Variants in EFHD2 observed in about 807,000 individuals in gnomAD.
EFHD2 encodes EF-hand domain-containing protein D2.
In EFHD2, 12 loss-of-function variants were observed where a neutral mutation model predicts 20.3. That is an observed-to-expected ratio of 0.59 (90% confidence interval 0.38 to 0.96). EFHD2 has a LOEUF of 0.96. EFHD2 is among the 40% of genes least tolerant of loss of function. The pLI is 0.00. For synonymous variants in EFHD2, 131 were observed against 143.9 expected (o/e 0.91, Z 0.64); for missense variants, 250 against 334.3 (o/e 0.75, Z 1.97).
In EFHD2 at chr1:15,426,672, C is replaced by T. The variant is rs992785930; in HGVS notation, c.457-478C>T. On this transcript the variant is annotated intron_variant, in intron 2 of 3. Transcript: ENST00000375980. This position sits in a 1 kb window ranked among gnomAD's most constrained non-coding sequence, Gnocchi z 4.6. ...AGGTGGGGGAGTGCGAGTGGCTGGG[C>T]GGGAGGTGTGGGCAGTGCAGGGTAA... 7.9e-5 allele frequency among the ~76,000 whole-genome samples: 12 copies of T among 151,738 alleles called. No individual in the cohort carries two copies. The highest frequency in any genetic ancestry group is 2.0e-4 in the Admixed American group (3 of 15,248).
rs1031810069 is a variant in EFHD2 at position 15,426,596 on chromosome 1, G to C, written c.457-554G>C. On this transcript the variant is annotated intron_variant, in intron 2 of 3. Transcript: ENST00000375980. The surrounding 1 kb of genome is among the most constrained non-coding windows in gnomAD (Gnocchi z 4.6). Reference sequence around the variant, plus strand: ...CTCGAGGCCCAACTGGGGCCCAGGAGGTCTGGCAGGAAGCATGAAGGATGC... The same window carrying C: ...CTCGAGGCCCAACTGGGGCCCAGGACGTCTGGCAGGAAGCATGAAGGATGC... Among the ~76,000 whole-genome samples the C allele has an allele frequency of 6.6e-6, 1 of 152,204 alleles. No homozygotes were observed. The highest frequency in any genetic ancestry group is 2.4e-5 in the African/African-American group (1 of 41,452).
At chr1:15,414,632 A>G (rs1195629594) in intron 1 of EFHD2, among the ~76,000 whole-genome samples, 2 of 152,198 alleles carry the variant, frequency 1.3e-5, no homozygotes, top group East Asian at 1.9e-4. Context: ...AGGCAGCTCC[A>G]CAGTGCCCAC....
At position 15,413,541 on chromosome 1, in the gene EFHD2, C is replaced by A. The variant is rs1235803760; in HGVS notation, c.308+3262C>A. 1.3e-5 allele frequency among the ~76,000 whole-genome samples: 2 copies of A among 151,922 alleles called. No homozygotes were observed. The highest frequency in any genetic ancestry group is 2.9e-5 in the Non-Finnish European group (2 of 67,978). On this transcript the variant is annotated intron_variant, in intron 1 of 3. Transcript: ENST00000375980. This position sits in a 1 kb window ranked among gnomAD's most constrained non-coding sequence, Gnocchi z 4.4. ...GCAGGTACTTCCTGAGGCTGGAGATCGAGGGGGAAGAGAGGGGATGGGGGA... is the reference window on the plus strand; with the variant it reads ...GCAGGTACTTCCTGAGGCTGGAGATAGAGGGGGAAGAGAGGGGATGGGGGA...
At chr1:15,424,204 C>T (rs1707837141) in intron 1 of EFHD2, among the ~76,000 whole-genome samples, 1 of 151,646 alleles carries the variant, frequency 6.6e-6, no homozygotes, top group African/African-American at 2.4e-5. Context: ...AAAAGAAAAA[C>T]CCATGTTACC....
In EFHD2 at chr1:15,427,173, G is replaced by T; in HGVS notation, c.480G>T (p.Ala160=). 6.2e-7 allele frequency: 1 copy of T among 1,611,238 alleles called. No individual in the cohort carries two copies. The highest frequency in any genetic ancestry group is 8.5e-7 in the Non-Finnish European group (1 of 1,178,978). The part of the protein sequence containing the change: ...FREFLLIFRK[A]AAGELQEDSG... ...AGTTCCTCCTGATCTTCCGCAAGGC[G>T]GCGGCCGGGGAGCTTCAGGAGGACA... The change falls in exon 3 of 4, where the codon GCG becomes GCT. Residue 160 remains alanine, a synonymous_variant. Transcript: ENST00000375980.
Position 15,426,802 on chromosome 1 carries a change from C to T in EFHD2, c.457-348C>T, listed in dbSNP as rs1232334022. On this transcript the variant is annotated intron_variant, in intron 2 of 3. Transcript: ENST00000375980. This position sits in a 1 kb window ranked among gnomAD's most constrained non-coding sequence, Gnocchi z 4.6. ...GAGGCTCCCTCATTCTGTCATGACA[C>T]CTGTAGGACTCAATACATGGAACGC... 6.6e-6 allele frequency among the ~76,000 whole-genome samples: 1 copy of T among 152,146 alleles called. No homozygotes were observed. The highest frequency in any genetic ancestry group is 1.5e-5 in the Non-Finnish European group (1 of 68,016).
intron 1 of EFHD2, among the ~76,000 whole-genome samples, chr1:15,412,306 C>T (rs2496326): frequency 6.6e-4 from 101 of 152,202 alleles, no homozygotes; most frequent in African/African-American, 2.2e-3. Context: ...TCAGACACCA[C>T]GGAGATCCCT....
intron 1 of EFHD2, among the ~76,000 whole-genome samples, chr1:15,422,732 G>A (rs560286911): frequency 6.6e-6 from 1 of 152,082 alleles, no homozygotes; most frequent in Non-Finnish European, 1.5e-5. Flanking sequence ...GTGGTGGCGG[G>A]CACCTGTAGT....
At chr1:15,416,980 T>G (rs1179877624) in intron 1 of EFHD2, among the ~76,000 whole-genome samples, 1 of 152,158 alleles carries the variant, frequency 6.6e-6, no homozygotes, top group Non-Finnish European at 1.5e-5. Flanking sequence ...CAGCTAATTT[T>G]TTTTTATTTT....
intron 1 of EFHD2, among the ~76,000 whole-genome samples, chr1:15,422,085 A>ATTTTTTTTT (rs71000400): frequency 1.2e-5 from 1 of 86,632 alleles, no homozygotes; most frequent in Non-Finnish European, 2.2e-5. Flanking sequence ...AGGTCATTCC[A>ATTTTTTTTT]TTTTTTTTTT....
At chr1:15,419,632 A>G (rs112072379) in intron 1 of EFHD2, among the ~76,000 whole-genome samples, 40 of 152,286 alleles carry the variant, frequency 2.6e-4, no homozygotes, top group African/African-American at 9.4e-4. Flanking sequence ...CAGTTTCCCT[A>G]CATAATGTAA....
chr1:15,422,925 A>G (rs1707818264), intron 1 of EFHD2, among the ~76,000 whole-genome samples: 1 of 151,796 alleles, frequency 6.6e-6, no homozygotes, highest in Admixed American at 6.5e-5. Flanking sequence ...ATTTGGCTTC[A>G]GAGCCTGACT....
intron 3 of EFHD2, 24 bp from the exon 4 acceptor site, chr1:15,428,569 C>T (rs1468454330): frequency 6.2e-7 from 1 of 1,608,364 alleles, no homozygotes; most frequent in Non-Finnish European, 8.5e-7. Flanking sequence ...CAGCCCTGAC[C>T]CCCTCACCCC....
intron 3 of EFHD2, among the ~76,000 whole-genome samples, chr1:15,427,633 G>A (rs1212022511): frequency 6.6e-6 from 1 of 152,182 alleles, no homozygotes; most frequent in Non-Finnish European, 1.5e-5. Flanking sequence ...CAGGGTCCCC[G>A]GTAGACACCA....
chr1:15,428,979 T>C lies in EFHD2; in HGVS notation c.*255T>C. ...CGGCCCTCCCTGGCAATCCCTGGGC[T>C]CTCTTGCACCCCTAACTGCCCCCTG... On this transcript the variant is annotated 3_prime_UTR_variant, in exon 4 of 4. Transcript: ENST00000375980. 1 of 488,126 alleles carries C rather than the reference T, an allele frequency of 2.0e-6. No individual in the cohort carries two copies. The highest frequency in any genetic ancestry group is 3.7e-6 in the Non-Finnish European group (1 of 271,016). The allele number at this position is 488,126 out of a possible 1,614,324, so 30.2% of individuals were successfully genotyped here. A position where few individuals can be genotyped will look rare whatever the true frequency, so the allele number is the denominator to read the frequency against.
chr1:15,418,360 C>T (rs1374527981), intron 1 of EFHD2, among the ~76,000 whole-genome samples: 1 of 131,280 alleles, frequency 7.6e-6, no homozygotes, highest in Non-Finnish European at 1.5e-5. Flanking sequence ...GGCTGGAGTG[C>T]AGTGGCGCGA....
chr1:15,418,640 C>T (rs74226862), intron 1 of EFHD2, among the ~76,000 whole-genome samples: 3 of 144,344 alleles, frequency 2.1e-5, no homozygotes, highest in Non-Finnish European at 3.1e-5. Flanking sequence ...AAGATAGGCC[C>T]CCCCTTAAGT....
At chr1:15,410,332 C>T in intron 1 of EFHD2, 53 bp downstream of exon 1, 2 of 1,477,560 alleles carry the variant, frequency 1.4e-6, no homozygotes, top group Non-Finnish European at 9.0e-7. Flanking sequence ...CGGTCTCGGG[C>T]CCCGAACCCC....
Position 15,428,843 on chromosome 1 carries a change from A to G in EFHD2, c.*119A>G, listed in dbSNP as rs1011310322. On this transcript the variant is annotated 3_prime_UTR_variant, in exon 4 of 4. Transcript: ENST00000375980. ...CGGGACCACTACTAAAAACCTAAAAATATCTGTGAATGGAGCAAGTTCAGG... is the reference window on the plus strand; with the variant it reads ...CGGGACCACTACTAAAAACCTAAAAGTATCTGTGAATGGAGCAAGTTCAGG... The G allele has an allele frequency of 2.1e-6, 3 of 1,423,594 alleles. No homozygotes were observed. Among genetic ancestry groups the G allele is most frequent in the Admixed American group, 2.1e-5 (1 of 46,742 alleles). The allele number at this position is 1,423,594 out of a possible 1,614,324, so 88.2% of individuals were successfully genotyped here. A position where few individuals can be genotyped will look rare whatever the true frequency, so the allele number is the denominator to read the frequency against.
Sources: gnomAD v4.1 joint callset for allele counts (sites outside exome capture counted in the v4.1 genomes callset) on GRCh38, gnomAD v4.1.1 for gene constraint, Gnocchi (gnomAD v3.1) non-coding constraint, MANE v1.5 for transcripts, NCBI Gene and HGNC (gene_info 2026-07-23, HGNC 2026-07-21) for gene names.